The following DMXL2 variants were observed in gnomAD, a reference collection of about 807,000 sequenced individuals.
DMXL2 encodes Dmx like 2.
DMXL2 carries 103 observed loss-of-function variants against 331.1 expected under a neutral mutation model. The observed-to-expected ratio is 0.31, with a 90% CI of 0.27 to 0.37. The LOEUF (loss-of-function observed/expected upper bound fraction) is 0.37. Among genes scored for constraint, DMXL2 ranks in the 10% least tolerant of loss-of-function variants. The probability of loss-of-function intolerance (pLI) is 1.00; values close to 1 mark genes in which losing one functional copy is unlikely to be tolerated. For missense variants in DMXL2, 3,171 were observed against 3,642.9 expected (o/e 0.87, Z 3.33); for synonymous variants, 1,281 against 1,252.1 (o/e 1.02, Z -0.49).
chr15:51,561,082 C>T (rs2049938222), intron 6 of DMXL2, among the ~76,000 whole-genome samples: 1 of 151,094 alleles, frequency 6.6e-6, no homozygotes, highest in African/African-American at 2.4e-5. Flanking sequence ...TGAAAAGTCC[C>T]CCAGAAATTA....
intron 1 of DMXL2, among the ~76,000 whole-genome samples, chr15:51,620,742 C>G (rs1200946162): frequency 6.6e-6 from 1 of 152,098 alleles, no homozygotes; most frequent in Non-Finnish European, 1.5e-5. Flanking sequence ...AGTGCAGAGT[C>G]AACTAGACTT....
At chr15:51,551,474 A>G (rs1275761809) in intron 6 of DMXL2, among the ~76,000 whole-genome samples, 4 of 152,178 alleles carry the variant, frequency 2.6e-5, no homozygotes, top group Non-Finnish European at 5.9e-5. Flanking sequence ...TCTTAATTCA[A>G]TCTAATTACA....
At chr15:51,506,372 A>G (rs2140541902) in intron 16 of DMXL2, among the ~76,000 whole-genome samples, 1 of 148,136 alleles carries the variant, frequency 6.8e-6, no homozygotes, top group Middle Eastern at 3.8e-3. Flanking sequence ...CCCAGCCTGT[A>G]TTTCTTAATG....
At chr15:51,609,263 G>A (rs890139245) in intron 1 of DMXL2, among the ~76,000 whole-genome samples, 1 of 152,202 alleles carries the variant, frequency 6.6e-6, no homozygotes. Context: ...AAAGCACATA[G>A]TAAGATTGTG....
chr15:51,465,267 C>T (rs1023874880), intron 31 of DMXL2, among the ~76,000 whole-genome samples: 4 of 152,106 alleles, frequency 2.6e-5, no homozygotes, highest in South Asian at 4.1e-4. Flanking sequence ...CATGGTAGCA[C>T]ATCTATAGTC....
intron 6 of DMXL2, among the ~76,000 whole-genome samples, chr15:51,550,580 T>G (rs2049152932): frequency 6.6e-6 from 1 of 152,084 alleles, no homozygotes; most frequent in Non-Finnish European, 1.5e-5. Flanking sequence ...CCATGCTGCA[T>G]GAGAACTCAA....
intron 16 of DMXL2, among the ~76,000 whole-genome samples, chr15:51,505,617 AT>A (rs2046354899): frequency 6.6e-6 from 1 of 152,242 alleles, no homozygotes; most frequent in Non-Finnish European, 1.5e-5. Context: ...GAATTTTTAA[AT>A]TCCTGGTGCC....
intron 1 of DMXL2, among the ~76,000 whole-genome samples, chr15:51,594,442 A>T (rs1344272769): frequency 6.6e-6 from 1 of 152,176 alleles, no homozygotes. Flanking sequence ...CAACCAAAAA[A>T]ATCCAGGACC....
chr15:51,511,909 A>G (rs1010999914), intron 15 of DMXL2, among the ~76,000 whole-genome samples: 20 of 152,210 alleles, frequency 1.3e-4, no homozygotes, highest in African/African-American at 4.6e-4. Context: ...ATGAAGCTGG[A>G]AACCATCATT....
At chr15:51,486,023 G>GT in intron 23 of DMXL2, 50 bp downstream of exon 23, 2 of 1,506,318 alleles carry the variant, frequency 1.3e-6, no homozygotes, top group Non-Finnish European at 1.8e-6. Context: ...AGTTCAGAAA[G>GT]TATCTCTTCC....
Position 51,450,228 on chromosome 15 carries a change from G to A in DMXL2, c.8868C>T (p.Leu2956=), listed in dbSNP as rs536376656. Residue 2956 remains leucine, a synonymous_variant, in exon 43 of 44, where the codon CTC becomes CTT. Coordinates refer to ENST00000560891, the MANE Select transcript of DMXL2 (RefSeq NM_001378457.1). ...VCIFDIRQRQ[L]IHTFQAHDSA... is the part of the protein sequence containing the mutation. The stretch of plus-strand genomic sequence containing the variant: ...AGTCATGGGCCTGGAACGTGTGAAT[G>A]AGCTGCCTTTGCCTGATGTCAAAAA... The A allele has an allele frequency of 5.0e-6, 8 of 1,614,046 alleles. No homozygotes were observed. The South Asian group carries it at 6.6e-5, about 13-fold the overall frequency.
intron 19 of DMXL2, among the ~76,000 whole-genome samples, chr15:51,493,431 G>A (rs1354005730): frequency 2.0e-5 from 3 of 152,036 alleles, no homozygotes; most frequent in Middle Eastern, 3.2e-3. Context: ...GAATGTATTT[G>A]AAAACCTGCA....
At chr15:51,472,931 C>T (rs879472613) in intron 28 of DMXL2, among the ~76,000 whole-genome samples, 20 of 152,196 alleles carry the variant, frequency 1.3e-4, no homozygotes, top group Admixed American at 6.5e-5. Context: ...GAACAACTAA[C>T]GCTTTTACCA....
At chr15:51,533,263 T>A (rs569944178) in intron 13 of DMXL2, among the ~76,000 whole-genome samples, 2 of 152,244 alleles carry the variant, frequency 1.3e-5, no homozygotes, top group African/African-American at 4.8e-5. Flanking sequence ...GGTCAAGCAA[T>A]CTTCCCATCT....
chr15:51,615,199 G>C (rs181252034), intron 1 of DMXL2, among the ~76,000 whole-genome samples: 43 of 152,212 alleles, frequency 2.8e-4, no homozygotes, highest in Non-Finnish European at 5.1e-4. Context: ...CTTCAAGGAG[G>C]AGATGTCAAA....
chr15:51,505,706 C>A lies in DMXL2; in HGVS notation c.2764+1428G>T, dbSNP rs1249087006. On this transcript the variant is annotated intron_variant, in intron 16 of 43. Coordinates refer to ENST00000560891, the MANE Select transcript of DMXL2 (RefSeq NM_001378457.1). ...GGCTTTTCTAATGCCAATTCATGGC[C>A]CAGTTAGAACTGCTACAATTGTGAT... is the stretch of plus-strand genomic sequence containing the variant. Among the ~76,000 whole-genome samples, 10 of 152,020 alleles carry A rather than the reference C, an allele frequency of 6.6e-5. No homozygotes were observed. The East Asian group carries it at 1.9e-3, about 29-fold the overall frequency.
Position 51,488,603 on chromosome 15 carries a change from C to A in DMXL2, c.4996G>T (p.Ala1666Ser). ...SFQRNNDALD[A>S]ALFYLSMKKK... ...TTCATTGAAAGGTAGAATAGTGCAGCATCTAAGGCATCATTGTTCCTTTGA... is the reference window on the plus strand; with the variant it reads ...TTCATTGAAAGGTAGAATAGTGCAGAATCTAAGGCATCATTGTTCCTTTGA... Residue 1666 changes from alanine to serine, a missense_variant, in exon 21 of 44, where the codon GCT becomes TCT. Physicochemically the swap from Ala to Ser is moderately conservative, Grantham distance 99. Around this residue, in one of 7 missense-constraint regions of DMXL2, gnomAD observed 252 missense variants for 387.4 expected, o/e 0.65. Coordinates refer to ENST00000560891, the MANE Select transcript of DMXL2 (RefSeq NM_001378457.1). 11 of 1,613,036 alleles carry A rather than the reference C, an allele frequency of 6.8e-6. No homozygotes were observed. Among genetic ancestry groups the A allele is most frequent in the Non-Finnish European group, 8.5e-6 (10 of 1,179,742 alleles).
At chr15:51,486,462 G>T in intron 22 of DMXL2, 125 bp from the exon 23 acceptor site, 2 of 746,148 alleles carry the variant, frequency 2.7e-6, no homozygotes, top group Non-Finnish European at 4.2e-6. Context: ...GGACAGTGAA[G>T]GGTAGTTAAA....
chr15:51,452,891 AC>A (rs1006624371), intron 41 of DMXL2, among the ~76,000 whole-genome samples: 2 of 152,216 alleles, frequency 1.3e-5, no homozygotes, highest in Non-Finnish European at 2.9e-5. Flanking sequence ...GTACATATAC[AC>A]CATGGAATAC....
Sources: gnomAD v4.1 joint callset for allele counts (sites outside exome capture counted in the v4.1 genomes callset) on GRCh38, gnomAD v4.1.1 for gene constraint, gnomAD v4.1.1 regional missense constraint, MANE v1.5 for transcripts, NCBI Gene and HGNC (gene_info 2026-07-23, HGNC 2026-07-21) for gene names.